Variants in ADAP1 observed in about 807,000 individuals in gnomAD.
ADAP1 encodes the protein ArfGAP with dual PH domains 1, also known as arf-GAP with dual PH domain-containing protein 1.
ADAP1 carries 31 observed loss-of-function variants against 54.9 expected under a neutral mutation model. The ratio of observed to expected loss-of-function variants is 0.56; its 90% CI spans 0.42 to 0.76. The LOEUF (loss-of-function observed/expected upper bound fraction) is 0.76, where lower values mean the gene tolerates loss of function less well. Among genes scored for constraint, ADAP1 ranks in the 30% least tolerant of loss-of-function variants. ADAP1 has a pLI of 0.00. For missense variants in ADAP1, 535 were observed against 512.4 expected (o/e 1.04, Z -0.42); for synonymous variants, 313 against 202.6 (o/e 1.55, Z -4.63).
At chr7:907,040 G>A (rs577801628) in intron 4 of ADAP1, among the ~76,000 whole-genome samples, 2 of 152,128 alleles carry the variant, frequency 1.3e-5, no homozygotes, top group African/African-American at 4.8e-5. Context: ...GGGAGGACCA[G>A]GCTGGCCTCC....
At chr7:935,974 C>T (rs919652991) in intron 1 of ADAP1, among the ~76,000 whole-genome samples, 3 of 152,246 alleles carry the variant, frequency 2.0e-5, no homozygotes, top group African/African-American at 4.8e-5. Context: ...TCACACCCAA[C>T]GCGCTGCACA....
intron 3 of ADAP1, among the ~76,000 whole-genome samples, chr7:922,386 G>A (rs1486575093): frequency 6.6e-6 from 1 of 152,108 alleles, no homozygotes; most frequent in Non-Finnish European, 1.5e-5. Context: ...GCAGGGGGCC[G>A]GGCAGGTGCT....
At chr7:923,720 G>A (rs537389281) in intron 3 of ADAP1, among the ~76,000 whole-genome samples, 1 of 152,280 alleles carries the variant, frequency 6.6e-6, no homozygotes, top group East Asian at 1.9e-4. Context: ...GGCATGGCGT[G>A]GGGGGCCTTC....
At chr7:905,254 G>T (rs1356289070) in intron 4 of ADAP1, 82 bp from the exon 5 acceptor site, 2 of 976,310 alleles carry the variant, frequency 2.0e-6, no homozygotes, top group Admixed American at 3.9e-5. Flanking sequence ...AGGACAGAGG[G>T]GACATGGGGA....
chr7:955,294 T>G (rs779830681), upstream of ADAP1: 34 of 1,549,892 alleles, frequency 2.2e-5, no homozygotes, highest in African/African-American at 4.1e-5. Context: ...TGATGTCACC[T>G]CTTCCCAGAC....
chr7:942,400 GGA>G (rs1245664000), intron 1 of ADAP1, among the ~76,000 whole-genome samples: 1 of 103,574 alleles, frequency 9.7e-6, no homozygotes, highest in African/African-American at 3.9e-5. Flanking sequence ...GAGGAGGAAG[GGA>G]GAGAGGAGGA....
At chr7:915,894 C>T (rs944034001) in intron 4 of ADAP1, among the ~76,000 whole-genome samples, 4 of 146,078 alleles carry the variant, frequency 2.7e-5, no homozygotes, top group South Asian at 4.2e-4. Flanking sequence ...GTCTGCCACC[C>T]GCCTGCAGAA....
chr7:905,287 G>A, intron 4 of ADAP1, 115 bp from the exon 5 acceptor site: 2 of 477,490 alleles, frequency 4.2e-6, no homozygotes, highest in Non-Finnish European at 3.8e-6. Context: ...GACACGGACG[G>A]GGGACACGGA....
intron 4 of ADAP1, among the ~76,000 whole-genome samples, chr7:913,321 C>T (rs996788149): frequency 1.7e-4 from 26 of 151,750 alleles, no homozygotes; most frequent in African/African-American, 5.6e-4. Flanking sequence ...CTGCCTCAGC[C>T]TCCCAAGTAG....
At position 899,425 on chromosome 7, in the gene ADAP1, G is replaced by T; in HGVS notation, c.861C>A (p.Asp287Glu). The change falls in exon 9 of 11, where the codon GAC becomes GAA. Residue 287 changes from aspartate (D) to glutamate (E), a missense_variant. Asp to Glu is a conservative substitution (Grantham distance 45). Transcript: ENST00000265846. ...GGCCACAGCTCCTCCTTACCAGGGGGTCTTTGAAGTACATGAGCCTGCGGT... is the reference window on the plus strand; with the variant it reads ...GGCCACAGCTCCTCCTTACCAGGGGTTCTTTGAAGTACATGAGCCTGCGGT... ...MDDRRLMYFK[D>E]PLDAFARGEV... The T allele has an allele frequency of 1.2e-6, 2 of 1,613,102 alleles. No individual in the cohort carries two copies. Among genetic ancestry groups the T allele is most frequent in the Non-Finnish European group, 1.7e-6 (2 of 1,179,894 alleles).
chr7:899,014 G>GGCCGCCC lies in ADAP1; in HGVS notation c.1096+12_1096+18dup. The GGCCGCCC allele has an allele frequency of 6.2e-7, 1 of 1,609,536 alleles. No homozygotes were observed. The highest frequency in any genetic ancestry group is 1.1e-5 in the South Asian group (1 of 91,012). On this transcript the variant is annotated intron_variant, in intron 10 of 10. Transcript: ENST00000265846. Reference sequence around the variant, plus strand: ...GAGCTGGGAGCCCTTCCAGGCCGCCGGCCGCCCGCCCCCCTCACCTGCGTA... The same window carrying GGCCGCCC: ...GAGCTGGGAGCCCTTCCAGGCCGCCGGCCGCCCGCCGCCCGCCCCCCTCACCTGCGTA...
At chr7:949,600 C>T (rs957277889) in intron 1 of ADAP1, among the ~76,000 whole-genome samples, 2 of 152,356 alleles carry the variant, frequency 1.3e-5, no homozygotes, top group Non-Finnish European at 1.5e-5. Context: ...GCCGGTGCAG[C>T]GGCCCAAGGA....
intron 5 of ADAP1, among the ~76,000 whole-genome samples, chr7:904,835 G>A (rs573584796): frequency 4.5e-4 from 68 of 152,324 alleles, no homozygotes; most frequent in Non-Finnish European, 8.1e-4. Context: ...GGCCCCGCCC[G>A]GCCGCCCAGG....
intron 2 of ADAP1, chr7:927,397 C>G (rs1250895498): frequency 1.9e-6 from 1 of 526,404 alleles, no homozygotes; most frequent in Non-Finnish European, 3.5e-6. Context: ...GGCCGCCACA[C>G]CCCACGCCAG....
At chr7:931,029 C>T (rs1350848464) in intron 2 of ADAP1, among the ~76,000 whole-genome samples, 25 of 104,800 alleles carry the variant, frequency 2.4e-4, no homozygotes, top group Non-Finnish European at 4.2e-4. Context: ...TAGGGAGGGA[C>T]GGAGGGACTG....
At chr7:900,075 C>A in intron 8 of ADAP1, 27 bp downstream of exon 8, 1 of 1,612,552 alleles carries the variant, frequency 6.2e-7, no homozygotes, top group Non-Finnish European at 8.5e-7. Flanking sequence ...CCCAGGCCAC[C>A]CCAGGCCGCA....
chr7:899,235 G>A lies in ADAP1; in HGVS notation c.894C>T (p.Phe298=), dbSNP rs1376387995. The change falls in exon 10 of 11, where the codon TTC becomes TTT. Residue 298 remains phenylalanine, a synonymous_variant. Coordinates refer to ENST00000265846, the MANE Select transcript of ADAP1 (RefSeq NM_006869.4). ...TGTAGCCACTCTCCTTGCTGCCAAT[G>A]AAGACTTCCCCTCGGGCGAAGGCGT... is the stretch of plus-strand genomic sequence containing the variant. ...PLDAFARGEV[F]IGSKESGYTV... The A allele has an allele frequency of 1.9e-6, 3 of 1,612,782 alleles. No individual in the cohort carries two copies. The highest frequency in any genetic ancestry group is 2.2e-5 in the East Asian group (1 of 44,880).
At chr7:909,948 T>G (rs886585025) in intron 4 of ADAP1, among the ~76,000 whole-genome samples, 2 of 152,004 alleles carry the variant, frequency 1.3e-5, no homozygotes, top group African/African-American at 4.8e-5. Context: ...CTGGGTCCAG[T>G]CCACACCCCA....
chr7:931,085 C>T (rs375154114), intron 2 of ADAP1, among the ~76,000 whole-genome samples: 1 of 140,920 alleles, frequency 7.1e-6, no homozygotes, highest in Non-Finnish European at 1.5e-5. Context: ...GAAGGAAGGA[C>T]GGAAGGAAGG....
Sources: gnomAD v4.1 joint callset for allele counts (sites outside exome capture counted in the v4.1 genomes callset) on GRCh38, gnomAD v4.1.1 for gene constraint, MANE v1.5 for transcripts, NCBI Gene and HGNC (gene_info 2026-07-23, HGNC 2026-07-21) for gene names.